The following NRBP2 variants were observed in gnomAD, a reference collection of about 807,000 sequenced individuals.
NRBP2 encodes the protein nuclear receptor binding protein 2.
Under a neutral mutation model 74.4 loss-of-function variants are expected in NRBP2, and 47 were observed. The observed-to-expected ratio is 0.63, with a 90% CI of 0.50 to 0.81. NRBP2 has a LOEUF of 0.81. Ranked by LOEUF, NRBP2 falls within the 30% of genes least tolerant of loss-of-function variation. The probability of loss-of-function intolerance (pLI) is 0.00; values close to 1 mark genes in which losing one functional copy is unlikely to be tolerated. For missense variants in NRBP2, 613 were observed against 690.1 expected, an observed-to-expected ratio of 0.89 and a Z score of 1.25; for synonymous variants, 312 against 273.8, an observed-to-expected ratio of 1.14 and a Z score of -1.38.
At position 143,837,366 on chromosome 8, in the gene NRBP2, G is replaced by T; in HGVS notation, c.1076+41C>A. ...GAGGGGAGGGGAGGTGCGGGGAGGGGAGGTGTGGGGAGGGGAGGCTTCTGG... is the reference window on the plus strand; with the variant it reads ...GAGGGGAGGGGAGGTGCGGGGAGGGTAGGTGTGGGGAGGGGAGGCTTCTGG... On this transcript the variant is annotated intron_variant, in intron 12 of 17. Coordinates refer to ENST00000442628, the MANE Select transcript of NRBP2 (RefSeq NM_178564.4). The surrounding 1 kb of genome is among the most constrained non-coding windows in gnomAD (Gnocchi z 4.3). The T allele has an allele frequency of 2.4e-6, 3 of 1,249,404 alleles. No homozygotes were observed. The highest frequency in any genetic ancestry group is 2.4e-5 in the East Asian group (1 of 41,208). 77.4% of individuals were successfully genotyped at this position (1,249,404 alleles called of 1,614,324 possible).
At position 143,839,796 on chromosome 8, in the gene NRBP2, T is replaced by C. The variant is rs1355774236; in HGVS notation, c.384A>G (p.Ser128=). The C allele has an allele frequency of 1.3e-6, 2 of 1,536,026 alleles. No individual in the cohort carries two copies. The highest frequency in any genetic ancestry group is 2.0e-5 in the Admixed American group (1 of 51,002). ...TTTTGAGGAATTGCTTGAGGCTGCC[T>C]GATGACACGTACTCTGTGATGAAGA... ...RVIFITEYVS[S]GSLKQFLKKT... The change falls in exon 4 of 18, where the codon TCA becomes TCG. Residue 128 remains serine, a synonymous_variant. Coordinates refer to ENST00000442628, the MANE Select transcript of NRBP2 (RefSeq NM_178564.4). This position sits in a 1 kb window ranked among gnomAD's most constrained non-coding sequence, Gnocchi z 5.1.
chr8:143,840,940 G>C lies in NRBP2; in HGVS notation c.-106C>G, dbSNP rs1480807997. 8.6e-7 allele frequency: 1 copy of C among 1,162,220 alleles called. No individual in the cohort carries two copies. The highest frequency in any genetic ancestry group is 4.2e-5 in the South Asian group (1 of 23,618). 72.0% of individuals were successfully genotyped at this position (1,162,220 alleles called of 1,614,324 possible). The stretch of plus-strand genomic sequence containing the variant: ...CAGCAGCCCAGCCTAGAGCCGCCGC[G>C]GCAGCCTAGAGCCCCAGCCCCGGCT... On this transcript the variant is annotated 5_prime_UTR_variant, in exon 1 of 18. Coordinates refer to ENST00000442628, the MANE Select transcript of NRBP2 (RefSeq NM_178564.4). This position sits in a 1 kb window ranked among gnomAD's most constrained non-coding sequence, Gnocchi z 5.7.
downstream of NRBP2, among the ~76,000 whole-genome samples, chr8:143,830,954 A>G (rs782606073): frequency 2.6e-5 from 4 of 152,230 alleles, no homozygotes; most frequent in Non-Finnish European, 5.9e-5. Context: ...ATAATGACAG[A>G]ACCAGATAGC....
At chr8:143,833,414 C>T (rs1321635686), downstream of NRBP2, 1 of 152,160 alleles carries the variant, frequency 6.6e-6, no homozygotes. Flanking sequence ...ATGCCCGTAA[C>T]ACTGGAATGA....
At chr8:143,836,241 A>G in intron 14 of NRBP2, 61 bp from the exon 15 acceptor site, 1 of 1,459,328 alleles carries the variant, frequency 6.9e-7, no homozygotes, top group Non-Finnish European at 9.0e-7. Flanking sequence ...CCGCGGCCCC[A>G]AAGGGGCCGG....
Position 143,839,174 on chromosome 8 carries a change from T to C in NRBP2, c.602A>G (p.Asn201Ser), listed in dbSNP as rs1818574874. 1.3e-6 allele frequency: 2 copies of C among 1,526,736 alleles called. No homozygotes were observed. The highest frequency in any genetic ancestry group is 1.2e-5 in the South Asian group (1 of 82,870). 94.6% of individuals were successfully genotyped at this position (1,526,736 alleles called of 1,614,324 possible). A position where few individuals can be genotyped will look rare whatever the true frequency, so the allele number is the denominator to read the frequency against. The change falls in exon 7 of 18, where the codon AAT (asparagine) becomes AGT (serine). Residue 201 changes from asparagine to serine, a missense_variant and splice_region_variant. Asn to Ser is a conservative substitution (Grantham distance 46, BLOSUM62 1). This residue lies in a region of NRBP2 where 332 missense variants were observed against 429.2 expected (regional missense o/e 0.77). Transcript: ENST00000442628. The surrounding 1 kb of genome is among the most constrained non-coding windows in gnomAD (Gnocchi z 5.1). ...IGSVWHRIFS[N>S]ALPDDLRSPI... is the part of the protein sequence containing the mutation. ...GTCCCCCCAAAGTCCGCACTTACCA[T>C]TGGAGAAGATTCGGTGCCACACTGC...
At position 143,840,253 on chromosome 8, in the gene NRBP2, T is replaced by A. The variant is rs1164160107; in HGVS notation, c.130-24A>T. On this transcript the variant is annotated intron_variant, in intron 1 of 17. Transcript: ENST00000442628. The surrounding 1 kb of genome is among the most constrained non-coding windows in gnomAD (Gnocchi z 5.7). Reference sequence around the variant, plus strand: ...ACCTGGGGGTGAATAAAGGGTTATGTGTGCCCTGGTGTGTGTCAGGGTTGT... The same window carrying A: ...ACCTGGGGGTGAATAAAGGGTTATGAGTGCCCTGGTGTGTGTCAGGGTTGT... The A allele has an allele frequency of 6.5e-6, 10 of 1,535,412 alleles. No individual in the cohort carries two copies. Among genetic ancestry groups the A allele is most frequent in the Non-Finnish European group, 3.5e-6 (4 of 1,146,572 alleles).
Position 143,835,252 on chromosome 8 carries a change from T to C in NRBP2, c.*410A>G. The C allele has an allele frequency of 4.2e-6, 1 of 240,398 alleles. No homozygotes were observed. The highest frequency in any genetic ancestry group is 8.2e-6 in the Non-Finnish European group (1 of 121,722). 14.9% of individuals were successfully genotyped at this position (240,398 alleles called of 1,614,324 possible). On this transcript the variant is annotated 3_prime_UTR_variant, in exon 18 of 18. Transcript: ENST00000442628. The surrounding 1 kb of genome is among the most constrained non-coding windows in gnomAD (Gnocchi z 4.9). ...GGGATGGCTGCTCTCCCAGACCCCA[T>C]GGAGCAGTTCCCTGGGCAGAGGTCT...
downstream of NRBP2, among the ~76,000 whole-genome samples, chr8:143,831,756 T>C (rs1818172931): frequency 6.6e-6 from 1 of 151,878 alleles, no homozygotes; most frequent in South Asian, 2.1e-4. Flanking sequence ...GAACAATGGG[T>C]GAAAGGGAAG....
intron 14 of NRBP2, 90 bp from the exon 15 acceptor site, chr8:143,836,270 G>A: frequency 2.1e-6 from 3 of 1,422,644 alleles, no homozygotes; most frequent in South Asian, 1.5e-5. Flanking sequence ...AGCAAAGACT[G>A]GAAAGGGGGG....
At chr8:143,832,291 G>A (rs565003761), downstream of NRBP2, among the ~76,000 whole-genome samples, 210 of 151,802 alleles carry the variant, frequency 1.4e-3, 1 homozygote, top group African/African-American at 4.7e-3. Flanking sequence ...GCGGAAGGCC[G>A]CAGGGACCTC....
chr8:143,834,708 G>A lies in NRBP2; in HGVS notation c.*954C>T, dbSNP rs1243836120. 6.6e-6 allele frequency: 1 copy of A among 152,280 alleles called. No individual in the cohort carries two copies. The highest frequency in any genetic ancestry group is 1.5e-5 in the Non-Finnish European group (1 of 68,098). 9.4% of individuals were successfully genotyped at this position (152,280 alleles called of 1,614,324 possible). On this transcript the variant is annotated 3_prime_UTR_variant, in exon 18 of 18. Coordinates refer to ENST00000442628, the MANE Select transcript of NRBP2 (RefSeq NM_178564.4). ...TCACTAAGTTTGGAATTGGAGGAGA[G>A]GCAAGCCAAGAATCAAGAGGCCAGG...
rs1818614492 is a variant in NRBP2 at position 143,839,822 on chromosome 8, T to C, written c.358A>G (p.Ile120Val). ...LDTSEACARV[I>V]FITEYVSSGS... is the part of the protein sequence containing the mutation. ...GATGACACGTACTCTGTGATGAAGA[T>C]GACCTGCACGGTGCGAGCTCAGGAT... The change falls in exon 4 of 18, where the codon ATC becomes GTC. Residue 120 changes from isoleucine (I) to valine (V), a missense_variant. Physicochemically the swap from Ile to Val is conservative, Grantham distance 29. Coordinates refer to ENST00000442628, the MANE Select transcript of NRBP2 (RefSeq NM_178564.4). The surrounding 1 kb of genome is among the most constrained non-coding windows in gnomAD (Gnocchi z 5.1). 6.5e-7 allele frequency: 1 copy of C among 1,536,122 alleles called. No individual in the cohort carries two copies. Among genetic ancestry groups the C allele is most frequent in the Non-Finnish European group, 8.7e-7 (1 of 1,146,886 alleles).
rs1554651361 is a variant in NRBP2, at chr8:143,835,739, G to A, written c.1438-9C>T. 2 of 1,597,550 alleles carry A rather than the reference G, an allele frequency of 1.3e-6. No individual in the cohort carries two copies. Among genetic ancestry groups the A allele is most frequent in the Non-Finnish European group, 1.7e-6 (2 of 1,173,950 alleles). On this transcript the variant is annotated splice_polypyrimidine_tract_variant and intron_variant, in intron 17 of 17. Coordinates refer to ENST00000442628, the MANE Select transcript of NRBP2 (RefSeq NM_178564.4). This position sits in a 1 kb window ranked among gnomAD's most constrained non-coding sequence, Gnocchi z 4.9. ...AGCTTCATCCGGTCGTCCTGCGGAAGGAGGGAGGCATGGGGGACGGAGGGG... is the reference window on the plus strand; with the variant it reads ...AGCTTCATCCGGTCGTCCTGCGGAAAGAGGGAGGCATGGGGGACGGAGGGG...
intron 14 of NRBP2, 145 bp downstream of exon 14, chr8:143,836,894 A>C (rs1318722974): frequency 3.6e-5 from 33 of 908,614 alleles, no homozygotes; most frequent in Non-Finnish European, 5.6e-5. Flanking sequence ...GACCCCCACA[A>C]GGGGGTCAGC....
At chr8:143,832,816 C>T (rs1818210271), downstream of NRBP2, among the ~76,000 whole-genome samples, 1 of 152,174 alleles carries the variant, frequency 6.6e-6, no homozygotes, top group Non-Finnish European at 1.5e-5. Flanking sequence ...CTGGCGGGAT[C>T]CTCCATATGC....
Position 143,837,684 on chromosome 8 carries a change from G to C in NRBP2, c.912C>G (p.Arg304=), listed in dbSNP as rs192975604. Residue 304 remains arginine, a synonymous_variant, in exon 11 of 18, where the codon CGC becomes CGG. Coordinates refer to ENST00000442628, the MANE Select transcript of NRBP2 (RefSeq NM_178564.4). The surrounding 1 kb of genome is among the most constrained non-coding windows in gnomAD (Gnocchi z 4.3). ...TCAGCGAGTGCACCTCGAAGAGCAC[G>C]CGGTGGAAGAGGAGGCTGTGGGCAG... ...RPSAHSLLFH[R]VLFEVHSLKL... 1.9e-6 allele frequency: 3 copies of C among 1,580,342 alleles called. No homozygotes were observed. Among genetic ancestry groups the C allele is most frequent in the Admixed American group, 1.8e-5 (1 of 54,436 alleles).
In NRBP2 at chr8:143,839,368, G is replaced by T; in HGVS notation, c.526C>A (p.Leu176Met). Reference protein sequence around the residue: ...ACSPPIIHGNLTSDTIFIQHN... With the variant: ...ACSPPIIHGNMTSDTIFIQHN... ...TGAATGAAGATGGTGTCGCTGGTCA[G>T]GTTCCCGTGGATGATTGGGGGGCTG... The change falls in exon 6 of 18, where the codon CTG becomes ATG. Residue 176 changes from leucine to methionine, a missense_variant. Physicochemically the swap from Leu to Met is conservative, Grantham distance 15. Around this residue, in one of 2 missense-constraint regions of NRBP2, gnomAD observed 332 missense variants for 429.2 expected, o/e 0.77. Coordinates refer to ENST00000442628, the MANE Select transcript of NRBP2 (RefSeq NM_178564.4). The surrounding 1 kb of genome is among the most constrained non-coding windows in gnomAD (Gnocchi z 5.1). 1 of 1,590,324 alleles carries T rather than the reference G, an allele frequency of 6.3e-7. No homozygotes were observed. Among genetic ancestry groups the T allele is most frequent in the Non-Finnish European group, 8.5e-7 (1 of 1,175,492 alleles).
chr8:143,836,284 C>T, intron 14 of NRBP2, 104 bp from the exon 15 acceptor site: 2 of 1,402,496 alleles, frequency 1.4e-6, no homozygotes, highest in South Asian at 3.1e-5. Flanking sequence ...AGGGGGGAAT[C>T]TCTAAGAGGA....
Sources: gnomAD v4.1 joint callset for allele counts (sites outside exome capture counted in the v4.1 genomes callset) on GRCh38, gnomAD v4.1.1 for gene constraint, gnomAD v4.1.1 regional missense constraint, Gnocchi (gnomAD v3.1) non-coding constraint, MANE v1.5 for transcripts, NCBI Gene and HGNC (gene_info 2026-07-23, HGNC 2026-07-21) for gene names.